SPATA31E1: variants seen among roughly 807,000 people sequenced by gnomAD.
SPATA31E1 encodes the protein SPATA31 subfamily E member 1.
A neutral mutation model predicts 12.9 loss-of-function variants in SPATA31E1; 7 were observed. That is an observed-to-expected ratio of 0.54 (90% confidence interval 0.31 to 1.02). The LOEUF is 1.02. Ranked by LOEUF, SPATA31E1 falls within the 50% of genes least tolerant of loss-of-function variation. The pLI is 0.05. For missense variants in SPATA31E1, 1,961 were observed against 1,799.8 expected (o/e 1.09, Z -1.62); for synonymous variants, 771 against 719.0 (o/e 1.07, Z -1.16).
Position 87,887,367 on chromosome 9 carries a change from G to GC in SPATA31E1, c.2885dup (p.Thr963AsnfsTer40). Reference sequence around the variant, plus strand: ...GACACAAGGGCAGGGGGTGTTCTCAGCCCCCAACATGCAGCCTTGTGGGCA... The same window carrying GC: ...GACACAAGGGCAGGGGGTGTTCTCAGCCCCCCAACATGCAGCCTTGTGGGCA... On this transcript the variant is annotated frameshift_variant, in exon 4 of 4. Transcript: ENST00000325643. LOFTEE classifies it low-confidence loss of function (END_TRUNC). 1 of 1,613,860 alleles carries GC rather than the reference G, an allele frequency of 6.2e-7. No homozygotes were observed. The highest frequency in any genetic ancestry group is 8.5e-7 in the Non-Finnish European group (1 of 1,180,038).
In SPATA31E1 at chr9:87,888,100, G is replaced by A. The variant is rs41286023; in HGVS notation, c.3613G>A (p.Glu1205Lys). 9.9e-5 allele frequency: 159 copies of A among 1,602,426 alleles called. No individual in the cohort carries two copies. Among genetic ancestry groups the A allele is most frequent in the Non-Finnish European group, 1.2e-4 (144 of 1,174,382 alleles). ...QKTLGCADKG[E>K]AHRRPRTGEQ... ...GACGCTGGGCTGTGCGGACAAGGGC[G>A]AGGCCCACAGGAGGCCCAGAACAGG... The change falls in exon 4 of 4, where the codon GAG (glutamate) becomes AAG (lysine). Residue 1205 changes from glutamate (E) to lysine (K), a missense_variant. Coordinates refer to ENST00000325643, the MANE Select transcript of SPATA31E1 (RefSeq NM_178828.5).
At position 87,885,480 on chromosome 9, in the gene SPATA31E1, TCCCGA is replaced by T; in HGVS notation, c.996_1000del (p.Asp333HisfsTer26). 1 of 1,613,964 alleles carries T rather than the reference TCCCGA, an allele frequency of 6.2e-7. No individual in the cohort carries two copies. Among genetic ancestry groups the T allele is most frequent in the Non-Finnish European group, 8.5e-7 (1 of 1,179,934 alleles). ...ATGGCAAATCCCAGCCACGGCATCTTCCCGACCACACCTCAGAGGCTTCCTTCTGG... is the reference window on the plus strand; with the variant it reads ...ATGGCAAATCCCAGCCACGGCATCTTCCACACCTCAGAGGCTTCCTTCTGG... On this transcript the variant is annotated frameshift_variant, in exon 4 of 4. Coordinates refer to ENST00000325643, the MANE Select transcript of SPATA31E1 (RefSeq NM_178828.5). LOFTEE classifies it low-confidence loss of function (END_TRUNC).
Position 87,888,732 on chromosome 9 carries a change from C to T in SPATA31E1, c.4245C>T (p.Pro1415=). The stretch of plus-strand genomic sequence containing the variant: ...GGGAGCCTGTGTCCCCAGCTGGTCC[C>T]CACCACCACAGGCCAAGAATGGCAA... The part of the protein sequence containing the change: ...PPREPVSPAG[P]HHHRPRMAST... Residue 1415 remains proline, a synonymous_variant, in exon 4 of 4, where the codon CCC becomes CCT. Coordinates refer to ENST00000325643, the MANE Select transcript of SPATA31E1 (RefSeq NM_178828.5). The T allele has an allele frequency of 6.2e-7, 1 of 1,613,788 alleles. No homozygotes were observed. Among genetic ancestry groups the T allele is most frequent in the Non-Finnish European group, 8.5e-7 (1 of 1,179,992 alleles).
In SPATA31E1 at chr9:87,884,604, C is replaced by T. The variant is rs73653971; in HGVS notation, c.378C>T (p.Leu126=). The change falls in exon 3 of 4, where the codon CTC becomes CTT. Residue 126 remains leucine, a synonymous_variant. Transcript: ENST00000325643. ...KISALKACRI[L]LRELEETRDL... ...CCTGATTTCCAGCTTGCAGAATCCT[C>T]CTGAGGGAGCTGGAGGAGACTCGGG... 1.7e-4 allele frequency: 270 copies of T among 1,614,150 alleles called. No homozygotes were observed. In the African/African-American group the frequency reaches 3.2e-3, roughly 19 times the overall value.
Position 87,883,149 on chromosome 9 carries a change from C to T in SPATA31E1, c.258C>T (p.Val86=). 6.3e-7 allele frequency: 1 copy of T among 1,593,914 alleles called. No homozygotes were observed. The highest frequency in any genetic ancestry group is 8.6e-7 in the Non-Finnish European group (1 of 1,168,646). ...LVLLFLLLLY[V]HSDPPSPPPG... ...TCCTCTTCCTATTGCTCCTCTACGT[C>T]CACAGTGACCCACCCTCACCCCCGC... The change falls in exon 1 of 4, where the codon GTC becomes GTT. Residue 86 remains valine (V), a synonymous_variant. Coordinates refer to ENST00000325643, the MANE Select transcript of SPATA31E1 (RefSeq NM_178828.5).
At position 87,888,460 on chromosome 9, in the gene SPATA31E1, C is replaced by A. The variant is rs1828329570; in HGVS notation, c.3973C>A (p.Gln1325Lys). The A allele has an allele frequency of 1.2e-6, 2 of 1,614,172 alleles. No individual in the cohort carries two copies. The highest frequency in any genetic ancestry group is 4.5e-5 in the East Asian group (2 of 44,876). Reference sequence around the variant, plus strand: ...CTGGACCATCAGCAGAGTTGTGGGACAAATCCTGGTGGACAAACTGGGGCT... The same window carrying A: ...CTGGACCATCAGCAGAGTTGTGGGAAAAATCCTGGTGGACAAACTGGGGCT... Reference protein sequence around the residue: ...KAWTISRVVGQILVDKLGLQW... With the variant: ...KAWTISRVVGKILVDKLGLQW... The change falls in exon 4 of 4, where the codon CAA becomes AAA. Residue 1325 changes from glutamine to lysine, a missense_variant. Gln to Lys is a moderately conservative substitution (Grantham distance 53). Coordinates refer to ENST00000325643, the MANE Select transcript of SPATA31E1 (RefSeq NM_178828.5).
At chr9:87,883,911 T>A (rs996620641) in intron 1 of SPATA31E1, 81 bp from the exon 2 acceptor site, 80 of 1,495,788 alleles carry the variant, frequency 5.3e-5, no homozygotes, top group Admixed American at 9.8e-5. Flanking sequence ...GTGTCCCTCA[T>A]GAGCACTGCG....
In SPATA31E1 at chr9:87,886,159, T is replaced by A. The variant is rs769475233; in HGVS notation, c.1672T>A (p.Ser558Thr). ...SYPTSQERTQ[S>T]VIPTGKEYLE... ...CCCTACATCCCAGGAGAGGACACAG[T>A]CTGTCATCCCCACTGGAAAGGAGTA... The change falls in exon 4 of 4, where the codon TCT becomes ACT. Residue 558 changes from serine to threonine, a missense_variant. Transcript: ENST00000325643. 6.9e-6 allele frequency: 11 copies of A among 1,604,424 alleles called. No homozygotes were observed. In the Admixed American group the frequency reaches 1.8e-4, roughly 27 times the overall value.
chr9:87,887,171 T>C lies in SPATA31E1; in HGVS notation c.2684T>C (p.Leu895Pro), dbSNP rs950920493. ...TCTGTACCCAAGGTTCCCATTTTCC[T>C]GGGAAAACGTCCTCAGAATGGTCCA... is the stretch of plus-strand genomic sequence containing the variant. ...VESVPKVPIF[L>P]GKRPQNGPGD... The change falls in exon 4 of 4, where the codon CTG becomes CCG. Residue 895 changes from leucine (L) to proline (P), a missense_variant. By Grantham distance (98) the Leu-to-Pro change is moderately conservative (BLOSUM62 -3). Coordinates refer to ENST00000325643, the MANE Select transcript of SPATA31E1 (RefSeq NM_178828.5). 3 of 1,614,084 alleles carry C rather than the reference T, an allele frequency of 1.9e-6. No individual in the cohort carries two copies. In the South Asian group the frequency reaches 3.3e-5, roughly 18 times the overall value.
rs1828193065 is a variant in SPATA31E1, at chr9:87,882,933, C to T, written c.42C>T (p.Gly14=). The change falls in exon 1 of 4, where the codon GGC becomes GGT. Residue 14 remains glycine, a synonymous_variant. Transcript: ENST00000325643. ...TCCCTCTAGGGAAGGGCAGGGCAGG[C>T]AGGGTTGAGAGTGGGCAGAGGATTC... is the stretch of plus-strand genomic sequence containing the variant. ...LVIPLGKGRA[G]RVESGQRIPP... 6.2e-7 allele frequency: 1 copy of T among 1,613,000 alleles called. No homozygotes were observed.
chr9:87,885,619 T>C lies in SPATA31E1; in HGVS notation c.1132T>C (p.Trp378Arg), dbSNP rs1564128242. Reference sequence around the variant, plus strand: ...CGCCAAGAGAGCACTGATGAAGATGTGGCAGGAGAAAGAAAGAAAACGGGC... The same window carrying C: ...CGCCAAGAGAGCACTGATGAAGATGCGGCAGGAGAAAGAAAGAAAACGGGC... ...LIAKRALMKM[W>R]QEKERKRADH... Residue 378 changes from tryptophan to arginine, a missense_variant, in exon 4 of 4, where the codon TGG becomes CGG. By Grantham distance (101) the Trp-to-Arg change is moderately radical. Coordinates refer to ENST00000325643, the MANE Select transcript of SPATA31E1 (RefSeq NM_178828.5). 1 of 1,613,910 alleles carries C rather than the reference T, an allele frequency of 6.2e-7. No homozygotes were observed. Among genetic ancestry groups the C allele is most frequent in the Non-Finnish European group, 8.5e-7 (1 of 1,180,010 alleles).
chr9:87,884,123 G>A (rs1380163487), intron 2 of SPATA31E1, 77 bp downstream of exon 2: 12 of 1,512,558 alleles, frequency 7.9e-6, no homozygotes, highest in Admixed American at 2.0e-5. Flanking sequence ...ATTTGCAGAG[G>A]CCTGAGAGGG....
chr9:87,884,497 C>A, intron 2 of SPATA31E1, 94 bp from the exon 3 acceptor site: 2 of 1,320,964 alleles, frequency 1.5e-6, no homozygotes, highest in Non-Finnish European at 2.2e-6. Flanking sequence ...AGGGTCTAGT[C>A]CCCCATGGTG....
rs1237881355 is a variant in SPATA31E1, at chr9:87,886,537, G to C, written c.2050G>C (p.Ala684Pro). The change falls in exon 4 of 4, where the codon GCA becomes CCA. Residue 684 changes from alanine to proline, a missense_variant. Coordinates refer to ENST00000325643, the MANE Select transcript of SPATA31E1 (RefSeq NM_178828.5). ...CTTGCCCTCCCAGCCTTCTGACTTT[G>C]CAGGGAAGGGCAGGAAGGATGTGCA... The part of the protein sequence containing the change: ...ALLPSQPSDF[A>P]GKGRKDVQKT... 6.2e-7 allele frequency: 1 copy of C among 1,613,990 alleles called. No individual in the cohort carries two copies. The highest frequency in any genetic ancestry group is 1.7e-5 in the Admixed American group (1 of 60,012).
chr9:87,885,312 C>T lies in SPATA31E1; in HGVS notation c.825C>T (p.Val275=). Residue 275 remains valine (V), a synonymous_variant, in exon 4 of 4, where the codon GTC becomes GTT. Coordinates refer to ENST00000325643, the MANE Select transcript of SPATA31E1 (RefSeq NM_178828.5). The part of the protein sequence containing the change: ...GLQCGSTTCP[V]PQSSPLHNQV... ...AGTGTGGCTCCACAACATGCCCCGT[C>T]CCCCAGAGCTCCCCTCTACACAACC... is the stretch of plus-strand genomic sequence containing the variant. 1 of 1,613,940 alleles carries T rather than the reference C, an allele frequency of 6.2e-7. No homozygotes were observed. Among genetic ancestry groups the T allele is most frequent in the Middle Eastern group, 1.6e-4 (1 of 6,062 alleles).
intron 1 of SPATA31E1, among the ~76,000 whole-genome samples, chr9:87,883,507 G>T (rs3935449): frequency 0.025 from 3,829 of 152,310 alleles, 66 homozygotes; most frequent in Admixed American, 0.058. Flanking sequence ...CCCTTCCTGG[G>T]GCAGGTGCCT....
chr9:87,888,769 G>T lies in SPATA31E1; in HGVS notation c.4282G>T (p.Gly1428Cys). ...GCCAAGAATGGCAAGCACCTCGGGCGGCCCCCATCCACAGCTGCAGGAACT... is the reference window on the plus strand; with the variant it reads ...GCCAAGAATGGCAAGCACCTCGGGCTGCCCCCATCCACAGCTGCAGGAACT... The part of the protein sequence containing the change: ...HRPRMASTSG[G>C]PHPQLQELMS... Residue 1428 changes from glycine to cysteine, a missense_variant, in exon 4 of 4, where the codon GGC becomes TGC. Gly to Cys is a radical substitution (Grantham distance 159). Coordinates refer to ENST00000325643, the MANE Select transcript of SPATA31E1 (RefSeq NM_178828.5). 6.2e-7 allele frequency: 1 copy of T among 1,613,028 alleles called. No individual in the cohort carries two copies. Among genetic ancestry groups the T allele is most frequent in the Non-Finnish European group, 8.5e-7 (1 of 1,179,894 alleles).
chr9:87,888,770 G>A lies in SPATA31E1; in HGVS notation c.4283G>A (p.Gly1428Asp). ...CCAAGAATGGCAAGCACCTCGGGCG[G>A]CCCCCATCCACAGCTGCAGGAACTG... ...HRPRMASTSGGPHPQLQELMS... is the reference protein window; with the variant it reads ...HRPRMASTSGDPHPQLQELMS... The change falls in exon 4 of 4, where the codon GGC becomes GAC. Residue 1428 changes from glycine to aspartate, a missense_variant. Transcript: ENST00000325643. 6.2e-7 allele frequency: 1 copy of A among 1,612,924 alleles called. No individual in the cohort carries two copies. The highest frequency in any genetic ancestry group is 1.1e-5 in the South Asian group (1 of 91,068).
chr9:87,887,920 C>T lies in SPATA31E1; in HGVS notation c.3433C>T (p.Pro1145Ser), dbSNP rs747443958. 1 of 1,613,898 alleles carries T rather than the reference C, an allele frequency of 6.2e-7. No individual in the cohort carries two copies. Among genetic ancestry groups the T allele is most frequent in the South Asian group, 1.1e-5 (1 of 91,092 alleles). Residue 1145 changes from proline to serine, a missense_variant, in exon 4 of 4, where the codon CCC becomes TCC. By Grantham distance (74) the Pro-to-Ser change is moderately conservative. Coordinates refer to ENST00000325643, the MANE Select transcript of SPATA31E1 (RefSeq NM_178828.5). The stretch of plus-strand genomic sequence containing the variant: ...CATGCTCACTGCCGCAGACAGGCTG[C>T]CCACTCAAGCCCCTCTGTCCACCTC... ...MDMLTAADRLPTQAPLSTSQS... is the reference protein window; with the variant it reads ...MDMLTAADRLSTQAPLSTSQS...
Sources: gnomAD v4.1 joint callset for allele counts (sites outside exome capture counted in the v4.1 genomes callset) on GRCh38, gnomAD v4.1.1 for gene constraint, MANE v1.5 for transcripts, NCBI Gene and HGNC (gene_info 2026-07-23, HGNC 2026-07-21) for gene names.